TCF12: variants seen among roughly 807,000 people sequenced by gnomAD.
The protein encoded by TCF12 is DNA-binding protein HTF4.
A neutral mutation model predicts 86.0 loss-of-function variants in TCF12; 45 were observed. The ratio of observed to expected loss-of-function variants is 0.52; its 90% CI spans 0.41 to 0.67. The LOEUF (loss-of-function observed/expected upper bound fraction) is 0.67. Ranked by LOEUF, TCF12 falls within the 30% of genes least tolerant of loss-of-function variation. The pLI is 0.00. For missense variants in TCF12, 881 were observed against 859.9 expected, an observed-to-expected ratio of 1.02 and a Z score of -0.31; for synonymous variants, 330 against 299.6, an observed-to-expected ratio of 1.10 and a Z score of -1.05.
chr15:56,986,682 ATATCCT>A, intron 3 of TCF12, among the ~76,000 whole-genome samples: 1 of 152,306 alleles, frequency 6.6e-6, no homozygotes, highest in Non-Finnish European at 1.5e-5. Context: ...ATCCTTATGT[ATATCCT>A]TATATACACA....
At chr15:57,065,355 T>C (rs1321649153) in intron 4 of TCF12, among the ~76,000 whole-genome samples, 1 of 152,228 alleles carries the variant, frequency 6.6e-6, no homozygotes, top group East Asian at 1.9e-4. Context: ...GTCTTGAGGC[T>C]ACTTAAACTG....
intron 5 of TCF12, among the ~76,000 whole-genome samples, chr15:57,115,807 A>G (rs1315800528): frequency 6.6e-6 from 1 of 151,934 alleles, no homozygotes; most frequent in Non-Finnish European, 1.5e-5. Context: ...GATGGGATCT[A>G]TGATAAAGAG....
Position 57,075,651 on chromosome 15 carries a change from A to G in TCF12, c.222+11828A>G, listed in dbSNP as rs8023315. 2.6e-3 allele frequency among the ~76,000 whole-genome samples: 397 copies of G among 152,218 alleles called. 1 individual carries two copies. The highest frequency in any genetic ancestry group is 0.01 in the Middle Eastern group (3 of 294). On this transcript the variant is annotated intron_variant, in intron 4 of 20. Coordinates refer to ENST00000333725, the MANE Select transcript of TCF12 (RefSeq NM_207037.2). Reference sequence around the variant, plus strand: ...ATATTGTATAGCAAGTGAAAATGATAATCTGTTTTGTAATACAAGGAACAG... The same window carrying G: ...ATATTGTATAGCAAGTGAAAATGATGATCTGTTTTGTAATACAAGGAACAG...
At chr15:57,197,052 G>C (rs2057299205) in intron 7 of TCF12, among the ~76,000 whole-genome samples, 1 of 151,124 alleles carries the variant, frequency 6.6e-6, no homozygotes, top group Non-Finnish European at 1.5e-5. Flanking sequence ...ATATGACTCT[G>C]CTAAAGGAGT....
intron 16 of TCF12, among the ~76,000 whole-genome samples, chr15:57,256,738 TTCATGAGG>T (rs1267013258): frequency 3.3e-5 from 5 of 152,208 alleles, no homozygotes; most frequent in Non-Finnish European, 7.3e-5. Context: ...CCATATAGAA[TTCATGAGG>T]TCAGCTTCTT....
intron 6 of TCF12, among the ~76,000 whole-genome samples, chr15:57,173,705 CT>C (rs1416283963): frequency 4.6e-5 from 7 of 151,026 alleles, no homozygotes; most frequent in Non-Finnish European, 8.9e-5. Flanking sequence ...CCATGTATAT[CT>C]TTTTTTCTTT....
chr15:56,943,257 A>G (rs1231546670), intron 3 of TCF12, among the ~76,000 whole-genome samples: 2 of 152,224 alleles, frequency 1.3e-5, no homozygotes, highest in Admixed American at 1.3e-4. Context: ...TACTGATTTT[A>G]GTAGGATCTG....
At chr15:57,199,720 A>G (rs527987728) in intron 8 of TCF12, among the ~76,000 whole-genome samples, 2 of 152,332 alleles carry the variant, frequency 1.3e-5, no homozygotes, top group South Asian at 4.1e-4. Flanking sequence ...TTTGAGAACC[A>G]TTAGGAAATT....
At chr15:57,015,157 A>G (rs896831880) in intron 3 of TCF12, among the ~76,000 whole-genome samples, 35 of 152,184 alleles carry the variant, frequency 2.3e-4, no homozygotes, top group Middle Eastern at 6.8e-3. Flanking sequence ...GTATGGTGGT[A>G]CATACTTGTA....
chr15:56,992,170 C>A (rs1462326853), intron 3 of TCF12, among the ~76,000 whole-genome samples: 2 of 151,566 alleles, frequency 1.3e-5, no homozygotes, highest in Non-Finnish European at 2.9e-5. Context: ...ACTCAGGAGG[C>A]TGAGGTGGGA....
chr15:56,996,214 G>T (rs1352333425), intron 3 of TCF12, among the ~76,000 whole-genome samples: 1 of 152,026 alleles, frequency 6.6e-6, no homozygotes, highest in Non-Finnish European at 1.5e-5. Flanking sequence ...TTTTGTGTCT[G>T]TATTCATCAG....
rs1229034136 is a variant in TCF12 at position 57,287,671 on chromosome 15, A to C, written c.*1526A>C. On this transcript the variant is annotated 3_prime_UTR_variant, in exon 21 of 21. Transcript: ENST00000333725. ...ATCAACAGTGGCAATCAGCACACAG[A>C]GGAAAGGACCCAAATCACTATGTAG... 3 of 152,698 alleles carry C rather than the reference A, an allele frequency of 2.0e-5. No homozygotes were observed. Among genetic ancestry groups the C allele is most frequent in the Admixed American group, 2.0e-4 (3 of 15,286 alleles). The allele number at this position is 152,698 out of a possible 1,614,324, so 9.5% of individuals were successfully genotyped here. A position where few individuals can be genotyped will look rare whatever the true frequency, so the allele number is the denominator to read the frequency against.
At chr15:57,045,847 T>C (rs1430897307) in intron 3 of TCF12, among the ~76,000 whole-genome samples, 7 of 137,302 alleles carry the variant, frequency 5.1e-5, no homozygotes, top group Non-Finnish European at 9.1e-5. Flanking sequence ...TGCCTAGCCA[T>C]GTGGAGAAGT....
chr15:56,935,676 C>T lies in TCF12; in HGVS notation c.148+14578C>T, dbSNP rs183985306. Among the ~76,000 whole-genome samples, 366 of 152,174 alleles carry T rather than the reference C, an allele frequency of 2.4e-3. 8 individuals carry two copies. Among genetic ancestry groups the T allele is most frequent in the Non-Finnish European group, 2.5e-4 (17 of 68,008 alleles). On this transcript the variant is annotated intron_variant, in intron 3 of 20. Transcript: ENST00000333725. ...CAAAGTCCAAGGTATCATTCTTATACCTTTGTATCTCATAGTTTAGCTCCT... is the reference window on the plus strand; with the variant it reads ...CAAAGTCCAAGGTATCATTCTTATATCTTTGTATCTCATAGTTTAGCTCCT...
At chr15:56,976,273 C>G (rs1004206308) in intron 3 of TCF12, among the ~76,000 whole-genome samples, 1 of 133,760 alleles carries the variant, frequency 7.5e-6, no homozygotes, top group Non-Finnish European at 1.5e-5. Context: ...CTCTGTCACC[C>G]AGGCTAGCGT....
At chr15:57,174,855 C>T (rs2055793275) in intron 6 of TCF12, among the ~76,000 whole-genome samples, 1 of 152,156 alleles carries the variant, frequency 6.6e-6, no homozygotes, top group African/African-American at 2.4e-5. Context: ...ACTCAAACAT[C>T]TGTTGGAAGG....
At chr15:57,273,374 C>T (rs2061234964) in intron 19 of TCF12, 112 bp downstream of exon 19, 1 of 1,081,658 alleles carries the variant, frequency 9.2e-7, no homozygotes, top group Non-Finnish European at 1.3e-6. Flanking sequence ...CCCAGTACTT[C>T]TTCTACTGTA....
At chr15:57,140,648 T>G (rs2151401680) in intron 5 of TCF12, among the ~76,000 whole-genome samples, 1 of 152,358 alleles carries the variant, frequency 6.6e-6, no homozygotes, top group East Asian at 1.9e-4. Context: ...TTTAACTATT[T>G]ATTTGGGACA....
In TCF12 at chr15:57,289,066, A is replaced by C. The variant is rs932252889; in HGVS notation, c.*2921A>C. On this transcript the variant is annotated 3_prime_UTR_variant, in exon 21 of 21. Transcript: ENST00000333725. ...GCAAGAACCTCAAACAAACTAGACA[A>C]ACTTTTTTTTTGACAGTGAATGACT... 5 of 152,164 alleles carry C rather than the reference A, an allele frequency of 3.3e-5. No homozygotes were observed. The highest frequency in any genetic ancestry group is 1.2e-4 in the African/African-American group (5 of 41,426). 9.4% of individuals were successfully genotyped at this position (152,164 alleles called of 1,614,324 possible).
Sources: allele counts gnomAD v4.1 joint callset (sites outside exome capture counted in the v4.1 genomes callset), GRCh38; gene constraint gnomAD v4.1.1; transcripts MANE v1.5; gene names NCBI Gene and HGNC (gene_info 2026-07-23, HGNC 2026-07-21).